Variants in DACT1 observed in about 807,000 individuals in gnomAD.
DACT1 encodes the protein dishevelled binding antagonist of beta catenin 1.
A neutral mutation model predicts 35.3 loss-of-function variants in DACT1; 19 were observed. That is an observed-to-expected ratio of 0.54 (90% CI 0.38 to 0.79). The LOEUF (loss-of-function observed/expected upper bound fraction) is 0.79. DACT1 is among the 30% of genes least tolerant of loss of function. The pLI is 0.00. For missense variants in DACT1, 1,143 were observed against 1,057.5 expected (o/e 1.08, Z -1.12); for synonymous variants, 545 against 466.7 (o/e 1.17, Z -2.16).
rs748262350 is a variant in DACT1 at position 58,646,707 on chromosome 14, G to T, written c.1973G>T (p.Arg658Leu). 1 of 1,613,232 alleles carries T rather than the reference G, an allele frequency of 6.2e-7. No homozygotes were observed. The highest frequency in any genetic ancestry group is 1.1e-5 in the South Asian group (1 of 91,066). ...TACGAAGAGGCCCTGAGGAGGGCCCGGCGCGGTCGCCGGGAGAATGTGGGG... is the reference window on the plus strand; with the variant it reads ...TACGAAGAGGCCCTGAGGAGGGCCCTGCGCGGTCGCCGGGAGAATGTGGGG... ...ISYEEALRRA[R>L]RGRRENVGLY... Residue 658 changes from arginine (R) to leucine (L), a missense_variant, in exon 4 of 4, where the codon CGG becomes CTG. This residue lies in a region of DACT1 where 1,054 missense variants were observed against 958.8 expected (regional missense o/e 1.10). Transcript: ENST00000395153.
chr14:58,646,243 C>T lies in DACT1; in HGVS notation c.1509C>T (p.Phe503=). 1 of 1,614,008 alleles carries T rather than the reference C, an allele frequency of 6.2e-7. No homozygotes were observed. Among genetic ancestry groups the T allele is most frequent in the Non-Finnish European group, 8.5e-7 (1 of 1,179,970 alleles). ...FPVEERPALD[F]KSEGSSQSLE... is the part of the protein sequence containing the mutation. ...TGGAAGAGAGGCCTGCCTTGGATTT[C>T]AAGAGCGAGGGCTCTTCCCAAAGCC... is the stretch of plus-strand genomic sequence containing the variant. Residue 503 remains phenylalanine (F), a synonymous_variant, in exon 4 of 4, where the codon TTC becomes TTT. Coordinates refer to ENST00000395153, the MANE Select transcript of DACT1 (RefSeq NM_001079520.2).
chr14:58,638,176 A>G lies in DACT1; in HGVS notation c.-27A>G, dbSNP rs2140210822. The stretch of plus-strand genomic sequence containing the variant: ...CCGCCTGGGCGGCCCGGCTGCGGTG[A>G]CGGCTCTCGCTGCCCGACTGGGGGC... On this transcript the variant is annotated 5_prime_UTR_variant, in exon 1 of 4. The change abolishes the stop of an existing upstream ORF in the 5' untranslated region. Transcript: ENST00000395153. 1 of 1,281,402 alleles carries G rather than the reference A, an allele frequency of 7.8e-7. No homozygotes were observed. Among genetic ancestry groups the G allele is most frequent in the South Asian group, 2.4e-5 (1 of 42,356 alleles). The allele number at this position is 1,281,402 out of a possible 1,614,324, so 79.4% of individuals were successfully genotyped here. A position where few individuals can be genotyped will look rare whatever the true frequency, so the allele number is the denominator to read the frequency against.
rs1455231927 is a variant in DACT1, at chr14:58,646,321, T to C, written c.1587T>C (p.Ser529=). 5 of 1,609,680 alleles carry C rather than the reference T, an allele frequency of 3.1e-6. No individual in the cohort carries two copies. The highest frequency in any genetic ancestry group is 1.3e-5 in the African/African-American group (1 of 74,516). ...AGTTTATCCCGGGGCAGCAGCCCAG[T>C]GTCAGGCTCCACCGGGGCCACAGGA... ...KAQFIPGQQP[S]VRLHRGHRNM... The change falls in exon 4 of 4, where the codon AGT becomes AGC. Residue 529 remains serine (S), a synonymous_variant. Coordinates refer to ENST00000395153, the MANE Select transcript of DACT1 (RefSeq NM_001079520.2).
upstream of DACT1, among the ~76,000 whole-genome samples, chr14:58,636,678 T>C (rs1379110780): frequency 1.3e-5 from 2 of 152,016 alleles, no homozygotes; most frequent in African/African-American, 2.4e-5. Flanking sequence ...GAAATAATGA[T>C]ATAGGATGCA....
In DACT1 at chr14:58,647,148, T is replaced by G; in HGVS notation, c.*14T>G. 2 of 1,596,702 alleles carry G rather than the reference T, an allele frequency of 1.3e-6. No homozygotes were observed. The highest frequency in any genetic ancestry group is 1.7e-6 in the Non-Finnish European group (2 of 1,175,870). On this transcript the variant is annotated 3_prime_UTR_variant, in exon 4 of 4. Transcript: ENST00000395153. ...ACGACGGTTTGAGTGACATCATTGG[T>G]GTAGAAAGTTTGTGTGTTTTTTTTT... is the stretch of plus-strand genomic sequence containing the variant.
At position 58,638,018 on chromosome 14, in the gene DACT1, C is replaced by A; in HGVS notation, c.-185C>A. On this transcript the variant is annotated 5_prime_UTR_variant, in exon 1 of 4. Transcript: ENST00000395153. ...CGCGGCGACAGCGGACGGCGCTGCCCGGGCCGGGACAGCAGCAGCCGGCGG... is the reference window on the plus strand; with the variant it reads ...CGCGGCGACAGCGGACGGCGCTGCCAGGGCCGGGACAGCAGCAGCCGGCGG... 1 of 480,802 alleles carries A rather than the reference C, an allele frequency of 2.1e-6. No homozygotes were observed. The highest frequency in any genetic ancestry group is 3.1e-6 in the Non-Finnish European group (1 of 324,796). 29.8% of individuals were successfully genotyped at this position (480,802 alleles called of 1,614,324 possible).
rs934868969 is a variant in DACT1, at chr14:58,648,203, G to C, written c.*1069G>C. On this transcript the variant is annotated 3_prime_UTR_variant, in exon 4 of 4. Coordinates refer to ENST00000395153, the MANE Select transcript of DACT1 (RefSeq NM_001079520.2). The stretch of plus-strand genomic sequence containing the variant: ...GTTAAATTACTATATAATATAAACA[G>C]TATGTGTTTTTATATATCATTGTGT... 6.0e-6 allele frequency: 1 copy of C among 167,026 alleles called. No individual in the cohort carries two copies. The highest frequency in any genetic ancestry group is 1.5e-5 in the Non-Finnish European group (1 of 68,112). The allele number at this position is 167,026 out of a possible 1,614,324, so 10.3% of individuals were successfully genotyped here.
Position 58,645,974 on chromosome 14 carries a change from C to T in DACT1, c.1240C>T (p.His414Tyr). 1.9e-6 allele frequency: 3 copies of T among 1,613,766 alleles called. No individual in the cohort carries two copies. The highest frequency in any genetic ancestry group is 2.5e-6 in the Non-Finnish European group (3 of 1,180,020). ...SGAASDLQSK[H>Y]LPKTAKPASQ... ...CGCTGCCTCCGACCTTCAGAGTAAG[C>T]ACCTGCCAAAAACGGCCAAGCCAGC... The change falls in exon 4 of 4, where the codon CAC (histidine) becomes TAC (tyrosine). Residue 414 changes from histidine (H) to tyrosine (Y), a missense_variant. His to Tyr is a moderately conservative substitution (Grantham distance 83). Around this residue, in one of 3 missense-constraint regions of DACT1, gnomAD observed 1,054 missense variants for 958.8 expected, o/e 1.10. Transcript: ENST00000395153.
chr14:58,646,138 C>G lies in DACT1; in HGVS notation c.1404C>G (p.Pro468=), dbSNP rs201534502. 81 of 1,613,628 alleles carry G rather than the reference C, an allele frequency of 5.0e-5. No individual in the cohort carries two copies. In the East Asian group the frequency reaches 1.0e-3, roughly 20 times the overall value. The stretch of plus-strand genomic sequence containing the variant: ...CGCAGGAGAACAAAGTTGTACAGCC[C>G]CTGAAAAAGATGTCACAGAAAAACA... ...APPQENKVVQ[P]LKKMSQKNSL... The change falls in exon 4 of 4, where the codon CCC becomes CCG. Residue 468 remains proline (P), a synonymous_variant. Transcript: ENST00000395153.
At chr14:58,638,596 G>C (rs747386506) in intron 1 of DACT1, 49 bp downstream of exon 1, 1 of 1,301,022 alleles carries the variant, frequency 7.7e-7, no homozygotes, top group East Asian at 2.9e-5. Context: ...CCAGGGGCTG[G>C]AGGTCGGGCA....
rs777591055 is a variant in DACT1, at chr14:58,647,046, C to A, written c.2312C>A (p.Thr771Asn). The A allele has an allele frequency of 1.2e-6, 2 of 1,614,072 alleles. No individual in the cohort carries two copies. The highest frequency in any genetic ancestry group is 4.5e-5 in the East Asian group (2 of 44,896). Residue 771 changes from threonine (T) to asparagine (N), a missense_variant, in exon 4 of 4, where the codon ACC (threonine) becomes AAC (asparagine). Physicochemically the swap from Thr to Asn is moderately conservative, Grantham distance 65 (BLOSUM62 0). Coordinates refer to ENST00000395153, the MANE Select transcript of DACT1 (RefSeq NM_001079520.2). ...APDLHNHPAK[T>N]FVKIKASHNL... Reference sequence around the variant, plus strand: ...GACCTTCACAACCACCCCGCAAAAACCTTTGTCAAAATTAAGGCCTCACAT... The same window carrying A: ...GACCTTCACAACCACCCCGCAAAAAACTTTGTCAAAATTAAGGCCTCACAT...
At chr14:58,637,075 A>G (rs530455047), upstream of DACT1, among the ~76,000 whole-genome samples, 2 of 152,336 alleles carry the variant, frequency 1.3e-5, no homozygotes, top group South Asian at 2.1e-4. Context: ...GCTCCCTTTT[A>G]CAGTGGGGGG....
intron 1 of DACT1, 177 bp downstream of exon 1, chr14:58,638,724 C>G (rs2047599530): frequency 8.4e-7 from 1 of 1,185,246 alleles, no homozygotes. Flanking sequence ...GGCGTGTGGG[C>G]TGCCGACGCC....
Position 58,638,024 on chromosome 14 carries a change from G to A in DACT1, c.-179G>A, listed in dbSNP as rs2047589031. 1.9e-6 allele frequency: 1 copy of A among 527,164 alleles called. No homozygotes were observed. The highest frequency in any genetic ancestry group is 2.7e-6 in the Non-Finnish European group (1 of 365,320). 32.7% of individuals were successfully genotyped at this position (527,164 alleles called of 1,614,324 possible). A position where few individuals can be genotyped will look rare whatever the true frequency, so the allele number is the denominator to read the frequency against. On this transcript the variant is annotated 5_prime_UTR_variant, in exon 1 of 4. Transcript: ENST00000395153. ...GACAGCGGACGGCGCTGCCCGGGCC[G>A]GGACAGCAGCAGCCGGCGGTCGCGC...
At position 58,638,169 on chromosome 14, in the gene DACT1, T is replaced by G. The variant is rs2140210812; in HGVS notation, c.-34T>G. On this transcript the variant is annotated 5_prime_UTR_variant, in exon 1 of 4. Coordinates refer to ENST00000395153, the MANE Select transcript of DACT1 (RefSeq NM_001079520.2). ...TGCTCCTCCGCCTGGGCGGCCCGGC[T>G]GCGGTGACGGCTCTCGCTGCCCGAC... 1 of 1,275,140 alleles carries G rather than the reference T, an allele frequency of 7.8e-7. No homozygotes were observed. The highest frequency in any genetic ancestry group is 3.3e-5 in the East Asian group (1 of 30,616). The allele number at this position is 1,275,140 out of a possible 1,614,324, so 79.0% of individuals were successfully genotyped here.
upstream of DACT1, among the ~76,000 whole-genome samples, chr14:58,635,756 T>A (rs954212051): frequency 1.3e-5 from 2 of 152,166 alleles, no homozygotes; most frequent in African/African-American, 4.8e-5. Flanking sequence ...GATTTATTAG[T>A]AGTGTGTAAA....
intron 3 of DACT1, among the ~76,000 whole-genome samples, chr14:58,643,612 C>A (rs941372120): frequency 2.0e-5 from 3 of 152,206 alleles, no homozygotes; most frequent in African/African-American, 7.2e-5. Context: ...ACTTTATAAA[C>A]CCATTAAAGG....
chr14:58,641,804 A>G (rs1275544629), intron 3 of DACT1, 57 bp downstream of exon 3: 1 of 1,568,122 alleles, frequency 6.4e-7, no homozygotes, highest in Non-Finnish European at 8.7e-7. Flanking sequence ...AGGGCCCTTA[A>G]AAGGTTATTT....
In DACT1 at chr14:58,638,112, T is replaced by G. The variant is rs1203408557; in HGVS notation, c.-91T>G. 8.3e-7 allele frequency: 1 copy of G among 1,197,922 alleles called. No individual in the cohort carries two copies. Among genetic ancestry groups the G allele is most frequent in the Non-Finnish European group, 1.0e-6 (1 of 962,402 alleles). The allele number at this position is 1,197,922 out of a possible 1,614,324, so 74.2% of individuals were successfully genotyped here. On this transcript the variant is annotated 5_prime_UTR_variant, in exon 1 of 4. The change abolishes an upstream ATG in the 5' untranslated region. Coordinates refer to ENST00000395153, the MANE Select transcript of DACT1 (RefSeq NM_001079520.2). The stretch of plus-strand genomic sequence containing the variant: ...CGCCGCGCCCCGCCACAGGGCGGCA[T>G]GAGCCCACCCGCGGCCGCAGCCCTA...
Sources: gnomAD v4.1 joint callset for allele counts (sites outside exome capture counted in the v4.1 genomes callset) on GRCh38, gnomAD v4.1.1 for gene constraint, gnomAD v4.1.1 regional missense constraint, MANE v1.5 for transcripts, NCBI Gene and HGNC (gene_info 2026-07-23, HGNC 2026-07-21) for gene names.